Variants in NRG3 observed in about 807,000 individuals in gnomAD.
The protein encoded by NRG3 is neuregulin 3.
In NRG3, 31 loss-of-function variants were observed where a neutral mutation model predicts 66.9. The ratio of observed to expected loss-of-function variants is 0.46; its 90% CI spans 0.35 to 0.63. The LOEUF (loss-of-function observed/expected upper bound fraction) is 0.63, where lower values mean the gene tolerates loss of function less well. Among genes scored for constraint, NRG3 ranks in the 20% least tolerant of loss-of-function variants. The pLI, the probability that NRG3 is intolerant of heterozygous loss-of-function variation, is 0.00. For missense variants in NRG3, 910 were observed against 878.9 expected (o/e 1.04, Z -0.45); for synonymous variants, 393 against 359.4 (o/e 1.09, Z -1.06).
At chr10:82,917,970 GTA>G (rs1171736937) in intron 4 of NRG3, among the ~76,000 whole-genome samples, 82 of 113,982 alleles carry the variant, frequency 7.2e-4, no homozygotes, top group Admixed American at 1.6e-3. Context: ...GTGTGTGTGT[GTA>G]TATATATATA....
At chr10:82,367,140 G>A (rs889298125) in intron 2 of NRG3, among the ~76,000 whole-genome samples, 3 of 151,920 alleles carry the variant, frequency 2.0e-5, no homozygotes, top group Non-Finnish European at 4.4e-5. Flanking sequence ...ATACACACAC[G>A]GAGACGTGCA....
At chr10:81,886,440 A>G (rs1343577577) in intron 1 of NRG3, among the ~76,000 whole-genome samples, 1 of 152,200 alleles carries the variant, frequency 6.6e-6, no homozygotes, top group Non-Finnish European at 1.5e-5. Context: ...ACTTTAAAAA[A>G]AGTGCTTCTT....
At chr10:82,285,912 C>T (rs2079393708) in intron 1 of NRG3, among the ~76,000 whole-genome samples, 1 of 152,208 alleles carries the variant, frequency 6.6e-6, no homozygotes, top group Non-Finnish European at 1.5e-5. Context: ...AAGGGGCATA[C>T]TGCTCTTGTT....
chr10:82,730,626 C>T (rs999790630), intron 2 of NRG3, among the ~76,000 whole-genome samples: 3 of 152,156 alleles, frequency 2.0e-5, no homozygotes, highest in Non-Finnish European at 2.9e-5. Flanking sequence ...TGTAGCCAGT[C>T]TGTAGGTAAT....
chr10:82,230,567 C>A (rs2076406026), intron 1 of NRG3, among the ~76,000 whole-genome samples: 1 of 151,430 alleles, frequency 6.6e-6, no homozygotes, highest in African/African-American at 2.4e-5. Context: ...TGCTCAGAAT[C>A]TAGTTGCCAG....
chr10:82,412,348 C>T (rs1198946859), intron 2 of NRG3, among the ~76,000 whole-genome samples: 1 of 152,080 alleles, frequency 6.6e-6, no homozygotes, highest in Non-Finnish European at 1.5e-5. Context: ...TGTTTGTTTT[C>T]CCAGTGCATA....
chr10:82,453,787 CA>C (rs1205163768), intron 2 of NRG3, among the ~76,000 whole-genome samples: 2 of 151,566 alleles, frequency 1.3e-5, no homozygotes, highest in African/African-American at 4.8e-5. Flanking sequence ...ATTTATTCAA[CA>C]GAGAGAAGGT....
At chr10:81,971,967 A>C (rs2059950484) in intron 1 of NRG3, among the ~76,000 whole-genome samples, 1 of 152,160 alleles carries the variant, frequency 6.6e-6, no homozygotes, top group Non-Finnish European at 1.5e-5. Flanking sequence ...TAGGTTTTGG[A>C]AATAACTACC....
Position 82,013,252 on chromosome 10 carries a change from A to T in NRG3, c.823+137089A>T, listed in dbSNP as rs545476167. 3.9e-5 allele frequency among the ~76,000 whole-genome samples: 6 copies of T among 152,268 alleles called. No homozygotes were observed. In the South Asian group the frequency reaches 1.2e-3, roughly 32 times the overall value. On this transcript the variant is annotated intron_variant, in intron 1 of 8. Coordinates refer to ENST00000372141, the MANE Select transcript of NRG3 (RefSeq NM_001010848.4). ...CAGGGGAACTCTCATTTATAAAACC[A>T]TCAGATTTTGTGAGATTTATTGACT...
intron 2 of NRG3, among the ~76,000 whole-genome samples, chr10:82,667,493 T>C (rs1320211049): frequency 6.6e-6 from 1 of 152,198 alleles, no homozygotes; most frequent in Non-Finnish European, 1.5e-5. Flanking sequence ...TAGTCTTTAG[T>C]GCGGTGCTCA....
chr10:81,933,640 C>G (rs1279855476), intron 1 of NRG3, among the ~76,000 whole-genome samples: 3 of 152,094 alleles, frequency 2.0e-5, no homozygotes, highest in African/African-American at 2.4e-5. Context: ...CTACGGTACT[C>G]TATACAACAT....
intron 1 of NRG3, among the ~76,000 whole-genome samples, chr10:82,159,490 T>C (rs372543106): frequency 5.3e-5 from 8 of 151,924 alleles, no homozygotes; most frequent in African/African-American, 1.7e-4. Flanking sequence ...TCAGTTTCCT[T>C]CTCCAACATC....
At chr10:82,738,011 G>A (rs1271712362) in intron 2 of NRG3, among the ~76,000 whole-genome samples, 2 of 151,814 alleles carry the variant, frequency 1.3e-5, no homozygotes, top group Non-Finnish European at 2.9e-5. Context: ...AGACCTTGCC[G>A]GATAAAATGC....
intron 2 of NRG3, among the ~76,000 whole-genome samples, chr10:82,597,511 G>C (rs570962079): frequency 1.2e-4 from 18 of 152,234 alleles, no homozygotes; most frequent in Non-Finnish European, 2.2e-4. Flanking sequence ...GGGCTTCTGG[G>C]TGAATTAGAA....
chr10:82,003,515 G>A (rs889007566), intron 1 of NRG3, among the ~76,000 whole-genome samples: 3 of 152,282 alleles, frequency 2.0e-5, no homozygotes, highest in Non-Finnish European at 4.4e-5. Context: ...GGAGTGAACC[G>A]TGAGGTTGCT....
At chr10:81,941,005 T>C (rs1445179807) in intron 1 of NRG3, among the ~76,000 whole-genome samples, 4 of 152,142 alleles carry the variant, frequency 2.6e-5, no homozygotes, top group Admixed American at 2.6e-4. Flanking sequence ...TCTTACCTTA[T>C]TGTGTGTTCT....
intron 1 of NRG3, among the ~76,000 whole-genome samples, chr10:82,317,848 A>G (rs2081371232): frequency 6.6e-6 from 1 of 152,186 alleles, no homozygotes; most frequent in Non-Finnish European, 1.5e-5. Flanking sequence ...TAAAGAGGAA[A>G]GGGCAGGATA....
At chr10:82,972,789 A>G (rs560877999) in intron 6 of NRG3, among the ~76,000 whole-genome samples, 12 of 152,258 alleles carry the variant, frequency 7.9e-5, no homozygotes, top group African/African-American at 2.6e-4. Flanking sequence ...CTCACCATAT[A>G]GATGTGAGAT....
intron 2 of NRG3, among the ~76,000 whole-genome samples, chr10:82,400,558 A>G (rs2087017049): frequency 6.9e-6 from 1 of 145,606 alleles, no homozygotes; most frequent in African/African-American, 2.7e-5. Context: ...GGTCAAGTAC[A>G]TGAGGCAGAT....
Sources: allele counts gnomAD v4.1 joint callset (sites outside exome capture counted in the v4.1 genomes callset), GRCh38; gene constraint gnomAD v4.1.1; transcripts MANE v1.5; gene names NCBI Gene and HGNC (gene_info 2026-07-23, HGNC 2026-07-21).